CALN1: variants seen among roughly 807,000 people sequenced by gnomAD.
The protein encoded by CALN1 is calcium-binding protein 8.
In CALN1, 17 loss-of-function variants were observed where a neutral mutation model predicts 30.6. The observed-to-expected ratio is 0.56, with a 90% confidence interval of 0.38 to 0.83. CALN1 has a LOEUF of 0.83. Among genes scored for constraint, CALN1 ranks in the 40% least tolerant of loss-of-function variants. The probability of loss-of-function intolerance (pLI) is 0.00; values close to 1 mark genes in which losing one functional copy is unlikely to be tolerated. For synonymous variants in CALN1, 156 were observed against 131.4 expected (o/e 1.19, Z -1.28); for missense variants, 291 against 354.9 (o/e 0.82, Z 1.45).
the CALN1 span, among the ~76,000 whole-genome samples, chr7:72,460,493 G>T: frequency 9.2e-5 from 14 of 152,112 alleles, no homozygotes; most frequent in Non-Finnish European, 1.9e-4. Flanking sequence ...TTAGCCGGGC[G>T]TGGTGGCAGG....
rs199833691 is a variant in CALN1 at position 72,106,698 on chromosome 7, G to GAGGAAGGAAGGGAGGGAGGA, written c.245-405_245-404insTCCTCCCTCCCTTCCTTCCT. Among the ~76,000 whole-genome samples, 14 of 23,172 alleles carry GAGGAAGGAAGGGAGGGAGGA rather than the reference G, an allele frequency of 6.0e-4. 4 individuals carry two copies. Among genetic ancestry groups the GAGGAAGGAAGGGAGGGAGGA allele is most frequent in the African/African-American group, 6.2e-4 (4 of 6,440 alleles). 15.2% of individuals were successfully genotyped at this position (23,172 alleles called of 152,430 possible). On this transcript the variant is annotated intron_variant, in intron 3 of 6. Transcript: ENST00000395275. ...AAAGGAAGGAAGAAAGCAAGGGAGGGAGGAAGGGAGGGAGGGAGGAAGGGA... is the reference window on the plus strand; with the variant it reads ...AAAGGAAGGAAGAAAGCAAGGGAGGGAGGAAGGAAGGGAGGGAGGAAGGAAGGGAGGGAGGGAGGAAGGGA...
At chr7:72,046,251 T>G (rs1802464646) in intron 4 of CALN1, among the ~76,000 whole-genome samples, 1 of 152,042 alleles carries the variant, frequency 6.6e-6, no homozygotes, top group African/African-American at 2.4e-5. Context: ...CTTCTTTTTT[T>G]GGAGACAAGG....
intron 3 of CALN1, among the ~76,000 whole-genome samples, chr7:72,148,912 AAAAG>A (rs1246120490): frequency 7.9e-5 from 12 of 151,322 alleles, no homozygotes; most frequent in South Asian, 2.1e-4. Context: ...AAAAACAAAA[AAAAG>A]AAAGAAAGAA....
At chr7:71,976,228 T>C (rs1272959521) in intron 5 of CALN1, among the ~76,000 whole-genome samples, 5 of 152,130 alleles carry the variant, frequency 3.3e-5, no homozygotes, top group Non-Finnish European at 7.3e-5. Flanking sequence ...GCTGGCCATC[T>C]GGTCATGGCA....
intron 5 of CALN1, among the ~76,000 whole-genome samples, chr7:71,929,505 T>C (rs1186640670): frequency 2.6e-5 from 4 of 152,268 alleles, no homozygotes; most frequent in African/African-American, 9.6e-5. Context: ...CCATGGTGTA[T>C]ATGTACCACA....
chr7:71,819,072 C>G (rs1252820261), intron 5 of CALN1, among the ~76,000 whole-genome samples: 2 of 152,104 alleles, frequency 1.3e-5, no homozygotes, highest in Non-Finnish European at 2.9e-5. Context: ...CCAGGCTGGT[C>G]GCAAACTCCC....
In CALN1 at chr7:72,354,117, G is replaced by A. The variant is rs949829717; in HGVS notation, c.119+49134C>T. ...CAAGAGAATCACTTGAACCCAAGAGGGGGAGGTTGCAGTGAAACGAAATTG... is the reference window on the plus strand; with the variant it reads ...CAAGAGAATCACTTGAACCCAAGAGAGGGAGGTTGCAGTGAAACGAAATTG... On this transcript the variant is annotated intron_variant, in intron 2 of 6. Coordinates refer to ENST00000395275, the MANE Select transcript of CALN1 (RefSeq NM_031468.4). 2.6e-5 allele frequency among the ~76,000 whole-genome samples: 4 copies of A among 152,140 alleles called. No individual in the cohort carries two copies. The South Asian group carries it at 6.2e-4, about 24-fold the overall frequency.
intron 2 of CALN1, among the ~76,000 whole-genome samples, chr7:72,397,344 C>T (rs183956909): frequency 1.3e-5 from 2 of 152,212 alleles, no homozygotes; most frequent in East Asian, 1.9e-4. Flanking sequence ...TAGAAGATGA[C>T]AAGATCAAGG....
At chr7:71,882,036 A>ACTC (rs1792601364) in intron 5 of CALN1, among the ~76,000 whole-genome samples, 2 of 151,952 alleles carry the variant, frequency 1.3e-5, no homozygotes, top group African/African-American at 4.8e-5. Context: ...GTGCTACTGG[A>ACTC]CTCCAGCCTG....
intron 5 of CALN1, among the ~76,000 whole-genome samples, chr7:71,922,227 C>T (rs375054511): frequency 6.6e-6 from 1 of 152,082 alleles, no homozygotes; most frequent in African/African-American, 2.4e-5. Context: ...GTCTCTTTGG[C>T]ACGCTATGAA....
At chr7:72,353,254 GTCTC>G (rs61411577) in intron 2 of CALN1, among the ~76,000 whole-genome samples, 1 of 151,790 alleles carries the variant, frequency 6.6e-6, no homozygotes, top group Non-Finnish European at 1.5e-5. Context: ...TGAGGCTACT[GTCTC>G]TCTGTTATCA....
chr7:72,484,726 G>A, the CALN1 span, among the ~76,000 whole-genome samples: 76 of 152,204 alleles, frequency 5.0e-4, no homozygotes, highest in East Asian at 0.011. Context: ...AGGCTTCCTG[G>A]CTCTGCCTGG....
chr7:72,203,932 T>C (rs1791618428), intron 3 of CALN1, among the ~76,000 whole-genome samples: 1 of 151,380 alleles, frequency 6.6e-6, no homozygotes, highest in African/African-American at 2.4e-5. Flanking sequence ...TTTCATAATG[T>C]TCTTGCAGCA....
intron 3 of CALN1, among the ~76,000 whole-genome samples, chr7:72,165,025 A>G (rs1056674210): frequency 6.6e-6 from 1 of 152,210 alleles, no homozygotes; most frequent in Non-Finnish European, 1.5e-5. Context: ...TTACATAGGC[A>G]TATACATTTA....
chr7:72,422,184 G>A (rs1585712195), intron 1 of CALN1, among the ~76,000 whole-genome samples: 1 of 152,104 alleles, frequency 6.6e-6, no homozygotes, highest in African/African-American at 2.4e-5. Context: ...TCTACTTTTA[G>A]TTCTTTAAGG....
At chr7:72,310,579 C>A (rs917111946) in intron 2 of CALN1, among the ~76,000 whole-genome samples, 5 of 151,832 alleles carry the variant, frequency 3.3e-5, no homozygotes, top group Non-Finnish European at 5.9e-5. Context: ...TGGCGGTGGA[C>A]ACTTGATGCA....
At chr7:72,493,575 G>T in the CALN1 span, among the ~76,000 whole-genome samples, 83 of 152,252 alleles carry the variant, frequency 5.5e-4, 1 homozygote, top group Admixed American at 3.4e-3. Flanking sequence ...CTGACCTCAG[G>T]TGATCCATCC....
intron 2 of CALN1, among the ~76,000 whole-genome samples, chr7:72,334,855 C>A (rs554877987): frequency 6.6e-6 from 1 of 152,168 alleles, no homozygotes; most frequent in Non-Finnish European, 1.5e-5. Flanking sequence ...CAGCTTCATG[C>A]AGCTATTGCC....
chr7:72,398,965 C>G (rs1353031115), intron 2 of CALN1, among the ~76,000 whole-genome samples: 1 of 152,196 alleles, frequency 6.6e-6, no homozygotes, highest in African/African-American at 2.4e-5. Flanking sequence ...TCCTTTCAGA[C>G]CTCCATGCCA....
Sources: allele counts gnomAD v4.1 joint callset (sites outside exome capture counted in the v4.1 genomes callset), GRCh38; gene constraint gnomAD v4.1.1; transcripts MANE v1.5; gene names NCBI Gene and HGNC (gene_info 2026-07-23, HGNC 2026-07-21).